CSMD1: variants seen among roughly 807,000 people sequenced by gnomAD.
The protein encoded by CSMD1 is CUB and sushi domain-containing protein 1.
Under a neutral mutation model 417.5 loss-of-function variants are expected in CSMD1, and 213 were observed. The ratio of observed to expected loss-of-function variants is 0.51; its 90% CI spans 0.46 to 0.57. The LOEUF is 0.57. Ranked by LOEUF, CSMD1 falls within the 20% of genes least tolerant of loss-of-function variation. The pLI is 0.00. For synonymous variants in CSMD1, 2,862 were observed against 1,736.8 expected (o/e 1.65, Z -16.11); for missense variants, 6,923 against 4,529.7 (o/e 1.53, Z -15.17).
intron 49 of CSMD1, among the ~76,000 whole-genome samples, chr8:3,067,272 T>C (rs1244066890): frequency 2.0e-5 from 3 of 152,162 alleles, no homozygotes; most frequent in South Asian, 2.1e-4. Context: ...ATTTCCACCA[T>C]GTACAAATCA....
intron 64 of CSMD1, among the ~76,000 whole-genome samples, 190 bp from the exon 65 acceptor site, chr8:2,954,458 G>A (rs1006031994): frequency 2.6e-5 from 4 of 151,928 alleles, no homozygotes; most frequent in Admixed American, 6.5e-5. Flanking sequence ...GTGGGAAAGC[G>A]GAGTTTAAGG....
intron 5 of CSMD1, among the ~76,000 whole-genome samples, chr8:3,902,344 C>G (rs1195568550): frequency 2.0e-5 from 3 of 152,124 alleles, no homozygotes; most frequent in African/African-American, 7.2e-5. Flanking sequence ...TGTTTCAAAT[C>G]TTGGCTTTTC....
chr8:4,105,032 T>C (rs944713662), intron 3 of CSMD1, among the ~76,000 whole-genome samples: 4 of 151,872 alleles, frequency 2.6e-5, no homozygotes, highest in African/African-American at 9.7e-5. Flanking sequence ...ATTATAGAAA[T>C]GCTAAGGGCC....
chr8:4,522,836 A>G (rs1340415325), intron 2 of CSMD1, among the ~76,000 whole-genome samples: 1 of 152,182 alleles, frequency 6.6e-6, no homozygotes, highest in Non-Finnish European at 1.5e-5. Context: ...ACACACTAAT[A>G]GATCCTTTTC....
chr8:3,627,946 A>G (rs1293200440), intron 7 of CSMD1, among the ~76,000 whole-genome samples: 1 of 152,220 alleles, frequency 6.6e-6, no homozygotes, highest in Non-Finnish European at 1.5e-5. Context: ...GAAAAGGAAA[A>G]TGAGAAGTAC....
intron 6 of CSMD1, among the ~76,000 whole-genome samples, chr8:3,752,569 A>G (rs557581496): frequency 2.7e-5 from 4 of 149,246 alleles, no homozygotes; most frequent in Non-Finnish European, 5.9e-5. Flanking sequence ...CAGGAGAATC[A>G]CTTGAGCCCA....
intron 41 of CSMD1, among the ~76,000 whole-genome samples, chr8:3,119,330 T>C (rs1202326502): frequency 6.7e-6 from 1 of 150,026 alleles, no homozygotes; most frequent in African/African-American, 2.4e-5. Context: ...CGTTATTTGG[T>C]TTAACTATAC....
chr8:3,826,936 G>A (rs1320378220), intron 5 of CSMD1, among the ~76,000 whole-genome samples: 2 of 151,980 alleles, frequency 1.3e-5, no homozygotes, highest in Non-Finnish European at 2.9e-5. Flanking sequence ...ACAGGCATGT[G>A]CCTAGCTATT....
At chr8:3,195,984 G>A (rs1796681886) in intron 33 of CSMD1, among the ~76,000 whole-genome samples, 1 of 152,110 alleles carries the variant, frequency 6.6e-6, no homozygotes, top group African/African-American at 2.4e-5. Flanking sequence ...TAAATTCATA[G>A]GAGGTCAGGT....
chr8:4,164,748 T>C (rs1326261146), intron 3 of CSMD1, among the ~76,000 whole-genome samples: 1 of 152,066 alleles, frequency 6.6e-6, no homozygotes, highest in Non-Finnish European at 1.5e-5. Context: ...ATACAGTTTG[T>C]GCCTGTAGTC....
In CSMD1 at chr8:3,150,824, C is replaced by T. The variant is rs577366651; in HGVS notation, c.6031+573G>A. Among the ~76,000 whole-genome samples, 15 of 151,622 alleles carry T rather than the reference C, an allele frequency of 9.9e-5. No individual in the cohort carries two copies. In the South Asian group the frequency reaches 3.1e-3, roughly 32 times the overall value. On this transcript the variant is annotated intron_variant, in intron 40 of 69. Coordinates refer to ENST00000635120, the MANE Select transcript of CSMD1 (RefSeq NM_033225.6). ...AGACCATGCATTTCTGAAGAGAGGC[C>T]AGAAAAAGGTTCTATAATAGTATAC...
chr8:3,268,691 T>C (rs6985378), intron 26 of CSMD1, among the ~76,000 whole-genome samples: 40,854 of 152,036 alleles, frequency 0.27, 5,739 homozygotes, highest in African/African-American at 0.33. Flanking sequence ...ATTGTGATAA[T>C]CCAGTGAATT....
chr8:4,565,093 T>G (rs1563291179), intron 2 of CSMD1, among the ~76,000 whole-genome samples: 1 of 152,236 alleles, frequency 6.6e-6, no homozygotes, highest in Non-Finnish European at 1.5e-5. Context: ...CTGAGTGCTT[T>G]CTACCCAAGA....
chr8:3,564,755 C>CG (rs35680639), intron 10 of CSMD1, among the ~76,000 whole-genome samples: 52,881 of 151,298 alleles, frequency 0.35, 9,583 homozygotes, highest in African/African-American at 0.44. Flanking sequence ...ACAAAAAACC[C>CG]AAAAAACCAC....
chr8:4,292,825 A>G (rs1426635627), intron 3 of CSMD1, among the ~76,000 whole-genome samples: 1 of 152,198 alleles, frequency 6.6e-6, no homozygotes, highest in Non-Finnish European at 1.5e-5. Flanking sequence ...TTTACCTAAG[A>G]GTCAGGGTCC....
chr8:3,085,068 G>C (rs1391381206), intron 49 of CSMD1, among the ~76,000 whole-genome samples: 3 of 152,110 alleles, frequency 2.0e-5, no homozygotes, highest in Non-Finnish European at 4.4e-5. Context: ...ATTAGTATTT[G>C]CGAGATTCTA....
At chr8:3,252,797 G>T (rs2117041091) in intron 26 of CSMD1, among the ~76,000 whole-genome samples, 1 of 152,276 alleles carries the variant, frequency 6.6e-6, no homozygotes, top group East Asian at 1.9e-4. Context: ...TTGGGAGGGT[G>T]TATGTGTCCA....
chr8:3,627,028 T>A (rs1796525803), intron 7 of CSMD1, among the ~76,000 whole-genome samples: 1 of 151,940 alleles, frequency 6.6e-6, no homozygotes, highest in South Asian at 2.1e-4. Flanking sequence ...TCCTCAGGAG[T>A]TTAGGCATTT....
intron 5 of CSMD1, among the ~76,000 whole-genome samples, chr8:3,840,813 A>G (rs1234059254): frequency 6.6e-6 from 1 of 151,178 alleles, no homozygotes. Flanking sequence ...CTCCTGTCTC[A>G]ACCTTCCAAG....
Sources: allele counts gnomAD v4.1 joint callset (sites outside exome capture counted in the v4.1 genomes callset), GRCh38; gene constraint gnomAD v4.1.1; transcripts MANE v1.5; gene names NCBI Gene and HGNC (gene_info 2026-07-23, HGNC 2026-07-21).